HDGF: variants seen among roughly 807,000 people sequenced by gnomAD.
HDGF encodes the protein heparin binding growth factor.
Under a neutral mutation model 30.0 loss-of-function variants are expected in HDGF, and 5 were observed. The ratio of observed to expected loss-of-function variants is 0.17; its 90% CI spans 0.09 to 0.35. HDGF has a LOEUF of 0.35. Ranked by LOEUF, HDGF falls within the 10% of genes least tolerant of loss-of-function variation. The pLI, the probability that HDGF is intolerant of heterozygous loss-of-function variation, is 1.00. For synonymous variants in HDGF, 133 were observed against 112.7 expected (o/e 1.18, Z -1.14); for missense variants, 214 against 302.8 (o/e 0.71, Z 2.18).
At chr1:156,749,995 C>T (rs1370322308) in intron 1 of HDGF, among the ~76,000 whole-genome samples, 4 of 152,290 alleles carry the variant, frequency 2.6e-5, no homozygotes, top group African/African-American at 9.6e-5. Flanking sequence ...GTACTTCACT[C>T]CCAATAGCGG....
At position 156,744,825 on chromosome 1, in the gene HDGF, C is replaced by T. The variant is rs114188869; in HGVS notation, c.303+183G>A. On this transcript the variant is annotated intron_variant, in intron 3 of 5. Transcript: ENST00000357325. Reference sequence around the variant, plus strand: ...GTCTCACAGTTGTCCCTAACCACAACTACACCACACAGCCCAACCCTATCC... The same window carrying T: ...GTCTCACAGTTGTCCCTAACCACAATTACACCACACAGCCCAACCCTATCC... Among the ~76,000 whole-genome samples, 479 of 152,274 alleles carry T rather than the reference C, an allele frequency of 3.1e-3. 2 individuals are homozygous for T. Among genetic ancestry groups the T allele is most frequent in the African/African-American group, 0.011 (459 of 41,556 alleles).
chr1:156,752,233 TG>T (rs776848216), upstream of HDGF: 3 of 1,551,672 alleles, frequency 1.9e-6, no homozygotes, highest in East Asian at 2.4e-5. Context: ...GCTTACCGTA[TG>T]GGGGGTGGCC....
In HDGF at chr1:156,743,438, A is replaced by G; in HGVS notation, c.*11T>C. The G allele has an allele frequency of 6.6e-7, 1 of 1,513,940 alleles. No homozygotes were observed. The highest frequency in any genetic ancestry group is 8.8e-7 in the Non-Finnish European group (1 of 1,133,096). 93.8% of individuals were successfully genotyped at this position (1,513,940 alleles called of 1,614,324 possible). A position where few individuals can be genotyped will look rare whatever the true frequency, so the allele number is the denominator to read the frequency against. ...GGAACAGGGTGGGGGCTCCTCTTGA[A>G]ACATTGGTGGCTACAGGCTGTGAGG... On this transcript the variant is annotated 3_prime_UTR_variant, in exon 6 of 6. Transcript: ENST00000357325.
intron 3 of HDGF, chr1:156,744,650 C>A (rs1650397306): frequency 1.2e-6 from 1 of 852,846 alleles, no homozygotes; most frequent in Admixed American, 3.1e-5. Context: ...CCGCCCCCCA[C>A]CCTCCCGCCT....
At chr1:156,763,279 C>G (rs1277567404) in intron 1 of HDGF, among the ~76,000 whole-genome samples, 4 of 151,568 alleles carry the variant, frequency 2.6e-5, no homozygotes, top group Non-Finnish European at 5.9e-5. Flanking sequence ...GTGGCGCGAT[C>G]TCAGCTCACT....
chr1:156,748,894 G>A (rs964566191), intron 1 of HDGF, among the ~76,000 whole-genome samples: 3 of 152,220 alleles, frequency 2.0e-5, no homozygotes, highest in Admixed American at 6.5e-5. Flanking sequence ...AGGTACAGGG[G>A]GAAGGGGCAC....
upstream of HDGF, chr1:156,752,469 C>T (rs1396625656): frequency 6.0e-6 from 6 of 1,001,906 alleles, no homozygotes; most frequent in East Asian, 7.8e-5. Flanking sequence ...GGTAGAATGC[C>T]AATAAACCCA....
intron 1 of HDGF, among the ~76,000 whole-genome samples, chr1:156,747,205 C>CTA (rs1650617447): frequency 7.1e-6 from 1 of 140,346 alleles, no homozygotes; most frequent in Non-Finnish European, 1.6e-5. Context: ...GCCCCCGGGG[C>CTA]CACTCAGCAA....
chr1:156,766,616 G>T (rs1360269640), intron 1 of HDGF, among the ~76,000 whole-genome samples: 1 of 152,198 alleles, frequency 6.6e-6, no homozygotes, highest in South Asian at 2.1e-4. Context: ...AGAGACAGAT[G>T]TAAGAAAGTC....
chr1:156,748,914 AGACGGG>A (rs1650780999), intron 1 of HDGF, among the ~76,000 whole-genome samples: 1 of 152,246 alleles, frequency 6.6e-6, no homozygotes, highest in Admixed American at 6.5e-5. Context: ...CCGGGAGGAA[AGACGGG>A]TGAGGTCCTG....
chr1:156,752,114 A>T (rs1222834426), upstream of HDGF: 1 of 1,551,478 alleles, frequency 6.4e-7, no homozygotes, highest in Non-Finnish European at 8.7e-7. Context: ...CTCAATCCAC[A>T]AATATTTACT....
intron 3 of HDGF, 99 bp downstream of exon 3, chr1:156,744,909 G>C: frequency 7.2e-7 from 1 of 1,396,298 alleles, no homozygotes; most frequent in South Asian, 1.2e-5. Flanking sequence ...GAAAGCCCTG[G>C]AGTTTCTGAA....
chr1:156,761,859 A>C (rs1365092470), intron 1 of HDGF, among the ~76,000 whole-genome samples: 1 of 150,636 alleles, frequency 6.6e-6, no homozygotes, highest in African/African-American at 2.4e-5. Context: ...AGGCAGGAGA[A>C]TCACTTGAAC....
intron 1 of HDGF, among the ~76,000 whole-genome samples, chr1:156,760,312 TG>T (rs1357947219): frequency 1.3e-5 from 2 of 149,784 alleles, no homozygotes; most frequent in African/African-American, 2.6e-5. Flanking sequence ...GACAGAGGCC[TG>T]GGGAGGAGAG....
At chr1:156,745,509 G>C (rs1397374161) in intron 1 of HDGF, 136 bp from the exon 2 acceptor site, 4 of 682,720 alleles carry the variant, frequency 5.9e-6, no homozygotes, top group Non-Finnish European at 9.9e-6. Context: ...ATGGCTTTTG[G>C]GCCATTTTTA....
chr1:156,744,881 C>G, intron 3 of HDGF, 127 bp downstream of exon 3: 3 of 1,141,128 alleles, frequency 2.6e-6, no homozygotes, highest in Non-Finnish European at 2.5e-6. Flanking sequence ...TCCCACCACC[C>G]TGATTAGCTC....
rs1650979922 is a variant in HDGF, at chr1:156,751,562, G to C, written c.-133C>G. 1.0e-6 allele frequency: 1 copy of C among 988,700 alleles called. No individual in the cohort carries two copies. The highest frequency in any genetic ancestry group is 1.8e-5 in the African/African-American group (1 of 56,870). 61.2% of individuals were successfully genotyped at this position (988,700 alleles called of 1,614,324 possible). A position where few individuals can be genotyped will look rare whatever the true frequency, so the allele number is the denominator to read the frequency against. Reference sequence around the variant, plus strand: ...CCGCCTCGATGGTGGCCCCCGGCCCGAGCTCCGGCGCGGCCACGGCGTCTC... The same window carrying C: ...CCGCCTCGATGGTGGCCCCCGGCCCCAGCTCCGGCGCGGCCACGGCGTCTC... On this transcript the variant is annotated 5_prime_UTR_variant, in exon 1 of 6. Coordinates refer to ENST00000357325, the MANE Select transcript of HDGF (RefSeq NM_004494.3). This position sits in a 1 kb window ranked among gnomAD's most constrained non-coding sequence, Gnocchi z 4.7.
intron 1 of HDGF, chr1:156,750,524 T>G (rs1650890591): frequency 1.3e-5 from 2 of 152,494 alleles, no homozygotes; most frequent in Non-Finnish European, 2.9e-5. Flanking sequence ...TGGCAGAGAC[T>G]GGGCCGTTCT....
At chr1:156,762,355 G>A (rs1040369562) in intron 1 of HDGF, among the ~76,000 whole-genome samples, 2 of 151,382 alleles carry the variant, frequency 1.3e-5, no homozygotes, top group African/African-American at 4.9e-5. Flanking sequence ...AGATCAAGAT[G>A]AGCCTTGTCA....
Sources: gnomAD v4.1 joint callset for allele counts (sites outside exome capture counted in the v4.1 genomes callset) on GRCh38, gnomAD v4.1.1 for gene constraint, Gnocchi (gnomAD v3.1) non-coding constraint, MANE v1.5 for transcripts, NCBI Gene and HGNC (gene_info 2026-07-23, HGNC 2026-07-21) for gene names.